Variants in UNC80 observed in about 807,000 individuals in gnomAD.
The protein encoded by UNC80 is unc-80 subunit of NALCN channel complex.
A neutral mutation model predicts 384.6 loss-of-function variants in UNC80; 164 were observed. The ratio of observed to expected loss-of-function variants is 0.43; its 90% CI spans 0.38 to 0.49. The LOEUF (loss-of-function observed/expected upper bound fraction) is 0.49, where lower values mean the gene tolerates loss of function less well. UNC80 is among the 20% of genes least tolerant of loss of function. The pLI, the probability that UNC80 is intolerant of heterozygous loss-of-function variation, is 0.00. For synonymous variants in UNC80, 1,486 were observed against 1,527.8 expected, an observed-to-expected ratio of 0.97 and a Z score of 0.64; for missense variants, 3,330 against 4,143.0, an observed-to-expected ratio of 0.80 and a Z score of 5.39.
intron 26 of UNC80, among the ~76,000 whole-genome samples, chr2:209,891,785 T>G (rs1480117792): frequency 6.6e-6 from 1 of 152,190 alleles, no homozygotes; most frequent in African/African-American, 2.4e-5. Flanking sequence ...CAAAGATTCC[T>G]AAATATTCCT....
At chr2:209,795,745 G>A (rs2078113674) in intron 7 of UNC80, 1 of 152,274 alleles carries the variant, frequency 6.6e-6, no homozygotes, top group Non-Finnish European at 1.5e-5. Flanking sequence ...TCCATGTGGT[G>A]TTGAGCCTGC....
In UNC80 at chr2:209,969,769, C is replaced by T. The variant is rs751900819; in HGVS notation, c.8008C>T (p.Arg2670Ter). Residue 2670 changes from arginine to a stop codon, truncating the protein, a stop_gained and splice_region_variant, in exon 53 of 65, where the codon CGA (arginine) becomes TGA (stop). Coordinates refer to ENST00000673920, the MANE Select transcript of UNC80 (RefSeq NM_001371986.1). LOFTEE classifies it high-confidence loss of function. The stretch of plus-strand genomic sequence containing the variant: ...AATGGCGCCTATATTGTATTCCAGG[C>T]GACAGGTTGAGTGGGAGCCTGCCAG... ...NKIHKMPTLRRQVEWEPASNL... is the reference protein window; with the variant it reads ...NKIHKMPTLR The T allele has an allele frequency of 3.9e-6, 6 of 1,551,542 alleles. No individual in the cohort carries two copies. The highest frequency in any genetic ancestry group is 2.4e-5 in the East Asian group (1 of 40,920).
rs931460850 is a variant in UNC80, at chr2:209,777,553, G to C, written c.594G>C (p.Arg198Ser). ...TTCTGTTTGCTCCCCTGGTACACAG[G>C]ATCAAGGTAAGCAGAAACCCAGTGT... Reference protein sequence around the residue: ...FVFLFAPLVHRIKESDLTFRL... With the variant: ...FVFLFAPLVHSIKESDLTFRL... Residue 198 changes from arginine to serine, a missense_variant, in exon 4 of 65, where the codon AGG (arginine) becomes AGC (serine). Transcript: ENST00000673920. 5 of 1,606,030 alleles carry C rather than the reference G, an allele frequency of 3.1e-6. No homozygotes were observed. In the African/African-American group the frequency reaches 6.7e-5, roughly 21 times the overall value.
intron 25 of UNC80, among the ~76,000 whole-genome samples, chr2:209,887,002 G>A (rs182950613): frequency 2.8e-4 from 42 of 151,844 alleles, no homozygotes; most frequent in Admixed American, 5.9e-4. Context: ...ACATTTCTTG[G>A]CTTATAGCCC....
In UNC80 at chr2:209,922,360, T is replaced by C. The variant is rs1330950335; in HGVS notation, c.5639T>C (p.Val1880Ala). Residue 1880 changes from valine (V) to alanine (A), a missense_variant, in exon 35 of 65, where the codon GTG (valine) becomes GCG (alanine). This residue lies in a region of UNC80 where 1,049 missense variants were observed against 1,488.6 expected (regional missense o/e 0.70). Coordinates refer to ENST00000673920, the MANE Select transcript of UNC80 (RefSeq NM_001371986.1). ...YSFRRGSVWS[V>A]RSAVSAEDEE... ...TTCCGCCGCGGGTCAGTCTGGTCAG[T>C]GCGTTCAGCCGTCAGTGCTGAAGGT... is the stretch of plus-strand genomic sequence containing the variant. 2 of 1,551,730 alleles carry C rather than the reference T, an allele frequency of 1.3e-6. No individual in the cohort carries two copies. Among genetic ancestry groups the C allele is most frequent in the Non-Finnish European group, 1.7e-6 (2 of 1,146,992 alleles).
At chr2:209,899,139 T>C (rs1261636877) in intron 28 of UNC80, among the ~76,000 whole-genome samples, 1 of 152,178 alleles carries the variant, frequency 6.6e-6, no homozygotes, top group Non-Finnish European at 1.5e-5. Flanking sequence ...ATGAATCTAT[T>C]TTCTTTACTC....
intron 25 of UNC80, among the ~76,000 whole-genome samples, chr2:209,887,436 A>G (rs1421078943): frequency 6.6e-6 from 1 of 152,154 alleles, no homozygotes; most frequent in East Asian, 1.9e-4. Flanking sequence ...TCCACTTTTA[A>G]GGATTTGTGA....
chr2:209,979,484 C>T (rs776992628), intron 59 of UNC80, among the ~76,000 whole-genome samples: 6 of 152,068 alleles, frequency 3.9e-5, no homozygotes, highest in East Asian at 1.9e-4. Flanking sequence ...CTCTACCAGC[C>T]GGTATGTAAA....
At chr2:209,810,047 CCA>C (rs1186905399) in intron 7 of UNC80, among the ~76,000 whole-genome samples, 1 of 152,192 alleles carries the variant, frequency 6.6e-6, no homozygotes, top group Non-Finnish European at 1.5e-5. Flanking sequence ...TAATCCACCC[CCA>C]GTTTCAGCCA....
At position 209,777,323 on chromosome 2, in the gene UNC80, G is replaced by A; in HGVS notation, c.364G>A (p.Glu122Lys). The change falls in exon 4 of 65, where the codon GAG becomes AAG. Residue 122 changes from glutamate (E) to lysine (K), a missense_variant. This residue lies in a region of UNC80 where 937 missense variants were observed against 1,026.8 expected (regional missense o/e 0.91). Transcript: ENST00000673920. ...TCACACTCTACACTGGATGCTTCTG[G>A]AGGCCCCCCAGGACTGCAACAATGA... is the stretch of plus-strand genomic sequence containing the variant. The part of the protein sequence containing the change: ...LLHTLHWMLL[E>K]APQDCNNERF... 6.2e-7 allele frequency: 1 copy of A among 1,614,062 alleles called. No individual in the cohort carries two copies. Among genetic ancestry groups the A allele is most frequent in the Non-Finnish European group, 8.5e-7 (1 of 1,180,012 alleles).
intron 64 of UNC80, 62 bp from the exon 65 acceptor site, chr2:209,995,267 T>C: frequency 6.6e-7 from 1 of 1,523,356 alleles, no homozygotes; most frequent in East Asian, 2.5e-5. Flanking sequence ...ACAACATTTT[T>C]TGATGTTCTT....
At chr2:209,929,248 T>C (rs1238626735) in intron 36 of UNC80, among the ~76,000 whole-genome samples, 2 of 152,332 alleles carry the variant, frequency 1.3e-5, no homozygotes, top group South Asian at 2.1e-4. Context: ...TTTTACCCAC[T>C]TGCTTTCTTA....
intron 3 of UNC80, 112 bp from the exon 4 acceptor site, chr2:209,777,146 G>A: frequency 8.2e-7 from 1 of 1,223,134 alleles, no homozygotes; most frequent in Non-Finnish European, 1.1e-6. Context: ...TGCTAGCAGT[G>A]GTTGTAAGAA....
chr2:209,938,355 A>G (rs2091385866), intron 42 of UNC80, among the ~76,000 whole-genome samples: 1 of 152,228 alleles, frequency 6.6e-6, no homozygotes, highest in Admixed American at 6.5e-5. Flanking sequence ...ATTTCAGGAT[A>G]CTTGATCATT....
intron 22 of UNC80, among the ~76,000 whole-genome samples, chr2:209,864,382 G>A (rs1374681195): frequency 6.6e-6 from 1 of 152,172 alleles, no homozygotes; most frequent in Non-Finnish European, 1.5e-5. Flanking sequence ...GGTGGAGGGG[G>A]TGTGCCTTGC....
At chr2:209,775,833 G>A in intron 2 of UNC80, 56 bp from the exon 3 acceptor site, 2 of 1,562,720 alleles carry the variant, frequency 1.3e-6, no homozygotes, top group Non-Finnish European at 1.7e-6. Context: ...CAATTTCTTA[G>A]TTTACGTGGT....
intron 7 of UNC80, among the ~76,000 whole-genome samples, chr2:209,796,875 T>A (rs907693112): frequency 6.6e-6 from 1 of 152,196 alleles, no homozygotes; most frequent in Admixed American, 6.5e-5. Context: ...AGTTTAATGA[T>A]TTTTAGTAAA....
At chr2:209,841,917 T>C in intron 20 of UNC80, among the ~76,000 whole-genome samples, 1 of 152,216 alleles carries the variant, frequency 6.6e-6, no homozygotes, top group East Asian at 1.9e-4. Flanking sequence ...ATTTTTATTA[T>C]AGTACACTCT....
chr2:209,870,517 C>T (rs878941436), intron 22 of UNC80, among the ~76,000 whole-genome samples: 2 of 152,116 alleles, frequency 1.3e-5, no homozygotes, highest in Admixed American at 1.3e-4. Flanking sequence ...AGTCTTGACC[C>T]CATGCATTGA....
Sources: allele counts gnomAD v4.1 joint callset (sites outside exome capture counted in the v4.1 genomes callset), GRCh38; gene constraint gnomAD v4.1.1; regional missense constraint gnomAD v4.1.1; transcripts MANE v1.5; gene names NCBI Gene and HGNC (gene_info 2026-07-23, HGNC 2026-07-21).